DMD: variants seen among roughly 807,000 people sequenced by gnomAD.
The protein encoded by DMD is mutant dystrophin.
Under a neutral mutation model 330.1 loss-of-function variants are expected in DMD, and 63 were observed. The ratio of observed to expected loss-of-function variants is 0.19; its 90% CI spans 0.16 to 0.24. The LOEUF is 0.24. Among genes scored for constraint, DMD ranks in the 10% least tolerant of loss-of-function variants. DMD has a pLI of 1.00. For synonymous variants in DMD, 1,223 were observed against 959.8 expected (o/e 1.27, Z -5.07); for missense variants, 3,344 against 2,684.1 (o/e 1.25, Z -5.43).
chrX:32,856,819 T>G (rs1304809277), intron 2 of DMD, among the ~76,000 whole-genome samples: 1 of 111,926 alleles, frequency 8.9e-6, no homozygotes. Context: ...CTCACGCCTG[T>G]AATCCCAACA....
rs1354209533 is a variant in DMD, at chrX:31,559,413, C to T, written c.8218-51960G>A. 4.0e-5 allele frequency among the ~76,000 whole-genome samples: 3 copies of T among 75,930 alleles called. 1 individual carries two copies. The highest frequency in any genetic ancestry group is 2.1e-4 in the African/African-American group (3 of 14,621). 65.9% of individuals were successfully genotyped at this position (75,930 alleles called of 115,157 possible). ...ATCCCAGCACTTTGGGAGGCCGAGA[C>T]GGGCGGATCACGAGGTCAGGAGATC... On this transcript the variant is annotated intron_variant, in intron 55 of 78. Coordinates refer to ENST00000357033, the MANE Select transcript of DMD (RefSeq NM_004006.3).
chrX:33,191,978 C>T (rs943784685), intron 1 of DMD, among the ~76,000 whole-genome samples: 8 of 111,779 alleles, frequency 7.2e-5, no homozygotes, highest in Non-Finnish European at 1.1e-4. Flanking sequence ...ATAAACTCAC[C>T]GCCTATTGTG....
At chrX:33,250,087 A>T (rs1335554746) in intron 1 of DMD, among the ~76,000 whole-genome samples, 6 of 30,349 alleles carry the variant, frequency 2.0e-4, no homozygotes, top group East Asian at 1.2e-3. Flanking sequence ...ACTATTCATT[A>T]TATATATATA....
intron 29 of DMD, among the ~76,000 whole-genome samples, chrX:32,418,314 T>A (rs2098174247): frequency 9.0e-6 from 1 of 111,217 alleles, no homozygotes; most frequent in Admixed American, 9.6e-5. Context: ...ATCCAGATCA[T>A]CTAGAATGTG....
At chrX:31,707,307 G>A (rs745630794) in intron 52 of DMD, among the ~76,000 whole-genome samples, 5 of 110,896 alleles carry the variant, frequency 4.5e-5, no homozygotes, top group Admixed American at 2.9e-4. Context: ...AACCTGCTGT[G>A]CTGAATAGTT....
intron 11 of DMD, among the ~76,000 whole-genome samples, chrX:32,639,637 G>A (rs1443487396): frequency 1.8e-5 from 2 of 112,046 alleles, no homozygotes; most frequent in Non-Finnish European, 3.8e-5. Context: ...CAACAGAATT[G>A]GAGGGAAAAT....
intron 2 of DMD, among the ~76,000 whole-genome samples, chrX:32,984,424 T>A (rs1051631525): frequency 3.6e-5 from 4 of 111,123 alleles, no homozygotes; most frequent in Non-Finnish European, 5.7e-5. Flanking sequence ...CCGGCTAATT[T>A]TTGTATTTTT....
At chrX:32,698,991 A>AG in intron 8 of DMD, 121 bp downstream of exon 8, 1 of 623,463 alleles carries the variant, frequency 1.6e-6, no homozygotes, top group Non-Finnish European at 2.5e-6. Flanking sequence ...TACATACATT[A>AG]GGCTTTGTAT....
chrX:32,608,396 A>G (rs2056906192), intron 12 of DMD, among the ~76,000 whole-genome samples: 1 of 110,431 alleles, frequency 9.1e-6, no homozygotes, highest in South Asian at 3.7e-4. Context: ...CCAATCATTT[A>G]TGTCAAAATA....
intron 52 of DMD, among the ~76,000 whole-genome samples, chrX:31,710,097 G>A (rs765047796): frequency 1.5e-3 from 164 of 111,812 alleles, no homozygotes; most frequent in African/African-American, 5.2e-3. Flanking sequence ...AATTTCTTAT[G>A]TTGGAAGCAA....
chrX:31,214,376 A>G lies in DMD; in HGVS notation c.9362-4677T>C, dbSNP rs557250767. Reference sequence around the variant, plus strand: ...GGTACTTAAGCACAAGCATTCCACAAGGATCAATGGAATGGATTACTCCTT... The same window carrying G: ...GGTACTTAAGCACAAGCATTCCACAGGGATCAATGGAATGGATTACTCCTT... On this transcript the variant is annotated intron_variant, in intron 64 of 78. Transcript: ENST00000357033. 1.6e-4 allele frequency among the ~76,000 whole-genome samples: 18 copies of G among 112,515 alleles called. No individual in the cohort carries two copies. The South Asian group carries it at 6.7e-3, about 42-fold the overall frequency.
In DMD at chrX:33,051,646, A is replaced by ATTTTTTTTTTTTTTTTTTTT. The variant is rs754035822; in HGVS notation, c.32-31447_32-31446insAAAAAAAAAAAAAAAAAAAA. ...TAAGGAAAATATATAATTACGCTCT[A>ATTTTTTTTTTTTTTTTTTTT]TTTTTTTTTTTTTTTTTTTGAGACG... On this transcript the variant is annotated intron_variant, in intron 1 of 78. Coordinates refer to ENST00000357033, the MANE Select transcript of DMD (RefSeq NM_004006.3). Among the ~76,000 whole-genome samples, 79 of 71,918 alleles carry ATTTTTTTTTTTTTTTTTTTT rather than the reference A, an allele frequency of 1.1e-3. 7 individuals carry two copies. The highest frequency in any genetic ancestry group is 4.8e-3 in the African/African-American group (74 of 15,371). 62.5% of individuals were successfully genotyped at this position (71,918 alleles called of 115,157 possible). A position where few individuals can be genotyped will look rare whatever the true frequency, so the allele number is the denominator to read the frequency against.
At position 32,830,140 on chromosome X, in the gene DMD, C is replaced by T. The variant is rs915608991; in HGVS notation, c.265-6753G>A. ...ATTACTCTTCAATGCCTCACATTGA[C>T]GGTCTGGTCTGTTTTGGCCATGAAT... On this transcript the variant is annotated intron_variant, in intron 4 of 78. Transcript: ENST00000357033. Among the ~76,000 whole-genome samples the T allele has an allele frequency of 1.2e-4, 13 of 111,338 alleles. No homozygotes were observed. In the South Asian group the frequency reaches 3.0e-3, roughly 26 times the overall value.
chrX:31,968,456 C>G lies in DMD; in HGVS notation c.6497G>C (p.Gly2166Ala). Residue 2166 changes from glycine (G) to alanine (A), a missense_variant, in exon 45 of 79, where the codon GGG becomes GCG. Coordinates refer to ENST00000357033, the MANE Select transcript of DMD (RefSeq NM_004006.3). ...QTVVRTLNAT[G>A]EEIIQQSSKT... The stretch of plus-strand genomic sequence containing the variant: ...TGAGGATTGCTGAATTATTTCTTCC[C>G]CAGTTGCATTCAATGTTCTGACAAC... 1 of 1,210,629 alleles carries G rather than the reference C, an allele frequency of 8.3e-7. No homozygotes were observed.
At chrX:31,244,268 A>G (rs11796940) in intron 63 of DMD, among the ~76,000 whole-genome samples, 35 of 111,978 alleles carry the variant, frequency 3.1e-4, no homozygotes, top group Non-Finnish European at 6.0e-4. Context: ...TGGTAAAGAA[A>G]ATTTTATCCA....
chrX:32,711,837 T>C (rs969317118), intron 7 of DMD, among the ~76,000 whole-genome samples: 2 of 112,049 alleles, frequency 1.8e-5, no homozygotes, highest in African/African-American at 6.5e-5. Flanking sequence ...ATTAAACATA[T>C]ACACTGTCTA....
chrX:32,782,958 A>G (rs917324221), intron 7 of DMD, among the ~76,000 whole-genome samples: 6 of 99,308 alleles, frequency 6.0e-5, no homozygotes, highest in African/African-American at 2.5e-4. Context: ...ACACACACAC[A>G]TACACACACA....
intron 7 of DMD, among the ~76,000 whole-genome samples, chrX:32,713,770 T>TG (rs1186227503): frequency 1.8e-5 from 2 of 111,821 alleles, no homozygotes; most frequent in African/African-American, 6.5e-5. Flanking sequence ...TTTGTGGGCA[T>TG]GTGAGTGTGT....
chrX:32,672,176 T>C (rs908966649), intron 9 of DMD, among the ~76,000 whole-genome samples: 4 of 111,288 alleles, frequency 3.6e-5, no homozygotes, highest in African/African-American at 1.3e-4. Context: ...AGTATTGCTC[T>C]AGAAATATTT....
Sources: allele counts gnomAD v4.1 joint callset (sites outside exome capture counted in the v4.1 genomes callset), GRCh38; gene constraint gnomAD v4.1.1; transcripts MANE v1.5; gene names NCBI Gene and HGNC (gene_info 2026-07-23, HGNC 2026-07-21).